SRD5A2: variants seen among roughly 807,000 people sequenced by gnomAD.
SRD5A2 encodes the protein 3-oxo-5-alpha-steroid 4-dehydrogenase 2.
SRD5A2 carries 30 observed loss-of-function variants against 27.4 expected under a neutral mutation model. The observed-to-expected ratio is 1.10, with a 90% CI of 0.82 to 1.49. The LOEUF (loss-of-function observed/expected upper bound fraction) is 1.49, where lower values mean the gene tolerates loss of function less well. Ranked by LOEUF, SRD5A2 falls within the 40% of genes most tolerant of loss-of-function variation. The pLI is 0.00. For missense variants in SRD5A2, 348 were observed against 323.4 expected, an observed-to-expected ratio of 1.08 and a Z score of -0.58; for synonymous variants, 141 against 133.6, an observed-to-expected ratio of 1.06 and a Z score of -0.38.
At chr2:31,558,875 T>C (rs575357980) in intron 1 of SRD5A2, among the ~76,000 whole-genome samples, 21 of 152,280 alleles carry the variant, frequency 1.4e-4, no homozygotes, top group African/African-American at 4.6e-4. Context: ...GTTTGGACAA[T>C]GATGAAATCA....
the SRD5A2 span, among the ~76,000 whole-genome samples, chr2:31,614,934 A>G: frequency 1.3e-5 from 2 of 152,120 alleles, no homozygotes; most frequent in South Asian, 2.1e-4. Context: ...TACTGTTTGC[A>G]TAGTAGTGAA....
the SRD5A2 span, among the ~76,000 whole-genome samples, chr2:31,586,381 T>C: frequency 2.0e-5 from 3 of 152,308 alleles, no homozygotes; most frequent in East Asian, 5.8e-4. Context: ...CACCTGTTTA[T>C]TGTAGAGCCC....
chr2:31,641,845 A>C, the SRD5A2 span, among the ~76,000 whole-genome samples: 1 of 152,144 alleles, frequency 6.6e-6, no homozygotes, highest in Non-Finnish European at 1.5e-5. Context: ...ATTAATCTAC[A>C]GATTCATTGC....
intron 1 of SRD5A2, among the ~76,000 whole-genome samples, chr2:31,558,593 T>C (rs926048631): frequency 3.3e-5 from 5 of 152,324 alleles, no homozygotes; most frequent in African/African-American, 1.2e-4. Flanking sequence ...TTCTCTCCTC[T>C]TATGAGGACA....
At position 31,578,904 on chromosome 2, in the gene SRD5A2, G is replaced by A. The variant is rs940357484; in HGVS notation, c.281+1716C>T. 2.0e-5 allele frequency among the ~76,000 whole-genome samples: 3 copies of A among 152,162 alleles called. No individual in the cohort carries two copies. In the East Asian group the frequency reaches 5.8e-4, roughly 29 times the overall value. On this transcript the variant is annotated intron_variant, in intron 1 of 4. Transcript: ENST00000622030. The stretch of plus-strand genomic sequence containing the variant: ...AAAACACTAATCATTAAGATGAAAT[G>A]ACCTCATAAAAATATTGCTTATGTT...
chr2:31,533,540 G>C (rs572458752), intron 2 of SRD5A2, 63 bp downstream of exon 2: 15 of 1,464,838 alleles, frequency 1.0e-5, no homozygotes, highest in Non-Finnish European at 1.1e-5. Context: ...AGGCCATGGC[G>C]ATGTAGATTG....
At chr2:31,569,677 C>CAAAAAAAAAAAAA (rs11421066) in intron 1 of SRD5A2, among the ~76,000 whole-genome samples, 5 of 138,568 alleles carry the variant, frequency 3.6e-5, no homozygotes, top group African/African-American at 5.3e-5. Context: ...AAACAAAAAA[C>CAAAAAAAAAAAAA]AAAAAAAAAA....
chr2:31,575,077 C>T (rs1002091386), intron 1 of SRD5A2, among the ~76,000 whole-genome samples: 57 of 152,190 alleles, frequency 3.7e-4, no homozygotes, highest in African/African-American at 1.4e-3. Flanking sequence ...ACATCCTTAA[C>T]ACATGATTAA....
chr2:31,609,831 T>C, the SRD5A2 span, among the ~76,000 whole-genome samples: 1 of 152,060 alleles, frequency 6.6e-6, no homozygotes, highest in Non-Finnish European at 1.5e-5. Flanking sequence ...AGTTATATCA[T>C]TGATAAGGAC....
At position 31,541,905 on chromosome 2, in the gene SRD5A2, A is replaced by G. The variant is rs571786478; in HGVS notation, c.282-8139T>C. On this transcript the variant is annotated intron_variant, in intron 1 of 4. Transcript: ENST00000622030. ...GAGCATATAGATCAGCCCTAGCCAG[A>G]GGGGAATCACCCATCCCAGCAGCTG... 3.6e-4 allele frequency among the ~76,000 whole-genome samples: 55 copies of G among 152,318 alleles called. 1 individual carries two copies. The highest frequency in any genetic ancestry group is 3.4e-3 in the Admixed American group (52 of 15,300).
At chr2:31,624,138 T>C in the SRD5A2 span, among the ~76,000 whole-genome samples, 11 of 152,062 alleles carry the variant, frequency 7.2e-5, no homozygotes, top group African/African-American at 2.4e-4. Flanking sequence ...ATTTATGGGG[T>C]ACATGAGATG....
At chr2:31,553,614 A>C (rs1312524997) in intron 1 of SRD5A2, among the ~76,000 whole-genome samples, 1 of 152,222 alleles carries the variant, frequency 6.6e-6, no homozygotes, top group Non-Finnish European at 1.5e-5. Flanking sequence ...AAGACAGTGG[A>C]ATGACACATT....
At chr2:31,552,215 C>G (rs1217220142) in intron 1 of SRD5A2, among the ~76,000 whole-genome samples, 3 of 148,514 alleles carry the variant, frequency 2.0e-5, no homozygotes, top group Non-Finnish European at 4.5e-5. Flanking sequence ...TTGCAAGCAT[C>G]CTAGATGAGC....
At chr2:31,636,252 T>G in the SRD5A2 span, among the ~76,000 whole-genome samples, 1 of 152,058 alleles carries the variant, frequency 6.6e-6, no homozygotes. Context: ...GATCTTTCAC[T>G]TATTTGGCTA....
intron 1 of SRD5A2, among the ~76,000 whole-genome samples, chr2:31,538,543 C>G (rs1666070458): frequency 6.6e-6 from 1 of 152,186 alleles, no homozygotes; most frequent in Admixed American, 6.5e-5. Flanking sequence ...AAGCTGTAAA[C>G]TGGATCATAT....
the SRD5A2 span, among the ~76,000 whole-genome samples, chr2:31,648,585 A>G: frequency 6.6e-6 from 1 of 152,206 alleles, no homozygotes; most frequent in South Asian, 2.1e-4. Flanking sequence ...TCTTCTTAAC[A>G]CATGTGTTAG....
the SRD5A2 span, among the ~76,000 whole-genome samples, chr2:31,649,675 C>G: frequency 1.3e-5 from 2 of 151,874 alleles, no homozygotes; most frequent in Non-Finnish European, 2.9e-5. Context: ...ATAAATCATT[C>G]AACACAATTT....
At chr2:31,595,999 C>T in the SRD5A2 span, among the ~76,000 whole-genome samples, 1 of 152,196 alleles carries the variant, frequency 6.6e-6, no homozygotes, top group Non-Finnish European at 1.5e-5. Context: ...TGACAAAACC[C>T]AGCATCCCTT....
At chr2:31,624,190 CAG>C in the SRD5A2 span, among the ~76,000 whole-genome samples, 1 of 151,946 alleles carries the variant, frequency 6.6e-6, no homozygotes, top group African/African-American at 2.4e-5. Flanking sequence ...TCACATAAAA[CAG>C]GGGTATCCAT....
Sources: gnomAD v4.1 joint callset for allele counts (sites outside exome capture counted in the v4.1 genomes callset) on GRCh38, gnomAD v4.1.1 for gene constraint, MANE v1.5 for transcripts, NCBI Gene and HGNC (gene_info 2026-07-23, HGNC 2026-07-21) for gene names.